Variants in DCLK3 observed in about 807,000 individuals in gnomAD.
DCLK3 encodes serine/threonine-protein kinase DCLK3.
In DCLK3, 30 loss-of-function variants were observed where a neutral mutation model predicts 46.4. The ratio of observed to expected loss-of-function variants is 0.65; its 90% CI spans 0.48 to 0.88. DCLK3 has a LOEUF of 0.88. Ranked by LOEUF, DCLK3 falls within the 40% of genes least tolerant of loss-of-function variation. The probability of loss-of-function intolerance (pLI) is 0.00; values close to 1 mark genes in which losing one functional copy is unlikely to be tolerated. For synonymous variants in DCLK3, 401 were observed against 339.2 expected, an observed-to-expected ratio of 1.18 and a Z score of -2.00; for missense variants, 846 against 907.1, an observed-to-expected ratio of 0.93 and a Z score of 0.87.
chr3:36,752,549 C>T (rs914628672), intron 1 of DCLK3, among the ~76,000 whole-genome samples: 1 of 152,204 alleles, frequency 6.6e-6, no homozygotes, highest in Non-Finnish European at 1.5e-5. Flanking sequence ...TCCTTCTCTC[C>T]TGTTTCATTA....
intron 2 of DCLK3, among the ~76,000 whole-genome samples, chr3:36,730,275 T>C (rs1266050882): frequency 6.8e-6 from 1 of 146,832 alleles, no homozygotes; most frequent in African/African-American, 2.5e-5. Context: ...AAAAAAAAAA[T>C]CAGTGAGGAC....
chr3:36,720,599 G>A lies in DCLK3; in HGVS notation c.2092+928C>T, dbSNP rs906844294. On this transcript the variant is annotated intron_variant, in intron 3 of 4. Coordinates refer to ENST00000636136, the MANE Select transcript of DCLK3 (RefSeq NM_001394672.2). ...GGCTCACTGCAAACTCCACCTCCCC[G>A]GTTCAAGCAATTCTCCTGCCTCAGC... Among the ~76,000 whole-genome samples the A allele has an allele frequency of 4.7e-5, 7 of 147,544 alleles. No individual in the cohort carries two copies. In the South Asian group the frequency reaches 6.4e-4, roughly 14 times the overall value.
intron 1 of DCLK3, among the ~76,000 whole-genome samples, chr3:36,743,303 A>G (rs1052997258): frequency 6.6e-6 from 1 of 151,390 alleles, no homozygotes; most frequent in African/African-American, 2.4e-5. Context: ...CCTTGAAATA[A>G]AAAAATAAAA....
chr3:36,743,910 A>G (rs1304579122), intron 1 of DCLK3, among the ~76,000 whole-genome samples: 4 of 151,936 alleles, frequency 2.6e-5, no homozygotes, highest in East Asian at 1.9e-4. Context: ...CTACTCCCAA[A>G]CCTTCTCTGT....
chr3:36,750,137 G>A (rs1296017462), intron 1 of DCLK3, among the ~76,000 whole-genome samples: 4 of 152,148 alleles, frequency 2.6e-5, no homozygotes, highest in African/African-American at 9.7e-5. Context: ...CTGAAGTGCA[G>A]TGGCGCAATC....
At chr3:36,749,081 A>G (rs1701417377) in intron 1 of DCLK3, among the ~76,000 whole-genome samples, 1 of 151,980 alleles carries the variant, frequency 6.6e-6, no homozygotes, top group Non-Finnish European at 1.5e-5. Flanking sequence ...TTCATCGCTC[A>G]CTCAGTAAAA....
At chr3:36,725,071 T>G (rs1411555604) in intron 2 of DCLK3, among the ~76,000 whole-genome samples, 1 of 151,464 alleles carries the variant, frequency 6.6e-6, no homozygotes, top group Non-Finnish European at 1.5e-5. Context: ...TCCCAGCACT[T>G]TGGGAGGCCA....
At chr3:36,720,504 CTTTTTTTT>C (rs34010996) in intron 3 of DCLK3, among the ~76,000 whole-genome samples, 1 of 129,334 alleles carries the variant, frequency 7.7e-6, no homozygotes, top group African/African-American at 2.9e-5. Context: ...ATCTCCTCAT[CTTTTTTTT>C]TTTTTTTTTG....
In DCLK3 at chr3:36,738,147, C is replaced by G. The variant is rs559787280; in HGVS notation, c.1020G>C (p.Met340Ile). Residue 340 changes from methionine to isoleucine, a missense_variant, in exon 2 of 5, where the codon ATG becomes ATC. Met to Ile is a conservative substitution (Grantham distance 10, BLOSUM62 1). Around this residue, in one of 3 missense-constraint regions of DCLK3, gnomAD observed 553 missense variants for 543.0 expected, o/e 1.02. Coordinates refer to ENST00000636136, the MANE Select transcript of DCLK3 (RefSeq NM_001394672.2). ...TCCTCACCAGCTTCTCCACATCATACATTGGGCCCTTCCCCATATCCAGCT... is the reference window on the plus strand; with the variant it reads ...TCCTCACCAGCTTCTCCACATCATAGATTGGGCCCTTCCCCATATCCAGCT... ...TSELDMGKGPMYDVEKLVRTR... is the reference protein window; with the variant it reads ...TSELDMGKGPIYDVEKLVRTR... The G allele has an allele frequency of 2.9e-5, 46 of 1,613,980 alleles. No individual in the cohort carries two copies. In the Admixed American group the frequency reaches 7.5e-4, roughly 26 times the overall value.
At position 36,744,941 on chromosome 3, in the gene DCLK3, T is replaced by G. The variant is rs568973011; in HGVS notation, c.83-5857A>C. ...AATAAACTCAGTAACTGCACCGGCA[T>G]GGCATGCCGTTATTGCCTCTAATAG... On this transcript the variant is annotated intron_variant, in intron 1 of 4. Coordinates refer to ENST00000636136, the MANE Select transcript of DCLK3 (RefSeq NM_001394672.2). Among the ~76,000 whole-genome samples, 465 of 152,350 alleles carry G rather than the reference T, an allele frequency of 3.1e-3. 2 individuals carry two copies. The Middle Eastern group carries it at 0.037, about 12-fold the overall frequency.
Position 36,737,815 on chromosome 3 carries a change from G to A in DCLK3, c.1352C>T (p.Ala451Val), listed in dbSNP as rs780125616. 2.0e-5 allele frequency: 32 copies of A among 1,613,826 alleles called. No homozygotes were observed. The highest frequency in any genetic ancestry group is 1.6e-4 in the East Asian group (7 of 44,880). ...HGGWLLREHQ[A>V]GFEKLRRTRG... ...GGTCCTGCGGAGCTTCTCAAAGCCCGCCTGGTGCTCTCTCAGGAGCCAGCC... is the reference window on the plus strand; with the variant it reads ...GGTCCTGCGGAGCTTCTCAAAGCCCACCTGGTGCTCTCTCAGGAGCCAGCC... Residue 451 changes from alanine to valine, a missense_variant, in exon 2 of 5, where the codon GCG (alanine) becomes GTG (valine). Physicochemically the swap from Ala to Val is moderately conservative, Grantham distance 64. Around this residue, in one of 3 missense-constraint regions of DCLK3, gnomAD observed 553 missense variants for 543.0 expected, o/e 1.02. Transcript: ENST00000636136. The surrounding 1 kb of genome is among the most constrained non-coding windows in gnomAD (Gnocchi z 4.4).
At chr3:36,755,413 A>T (rs1236284371) in intron 1 of DCLK3, among the ~76,000 whole-genome samples, 1 of 152,192 alleles carries the variant, frequency 6.6e-6, no homozygotes, top group Non-Finnish European at 1.5e-5. Flanking sequence ...TGAGAATTTA[A>T]CGTATAATGA....
chr3:36,756,317 G>C (rs1701484287), intron 1 of DCLK3, among the ~76,000 whole-genome samples: 1 of 152,220 alleles, frequency 6.6e-6, no homozygotes, highest in South Asian at 2.1e-4. Flanking sequence ...GCTGCTCCCA[G>C]GACATTAGCT....
chr3:36,743,789 A>C (rs1437576376), intron 1 of DCLK3, among the ~76,000 whole-genome samples: 1 of 151,984 alleles, frequency 6.6e-6, no homozygotes, highest in Non-Finnish European at 1.5e-5. Context: ...TTGAGTTCCA[A>C]ACCCAAATTC....
At chr3:36,724,063 G>A (rs917561979) in intron 2 of DCLK3, among the ~76,000 whole-genome samples, 2 of 152,212 alleles carry the variant, frequency 1.3e-5, no homozygotes, top group African/African-American at 4.8e-5. Flanking sequence ...AAGACCATGG[G>A]AACCCACCTC....
Position 36,737,564 on chromosome 3 carries a change from T to G in DCLK3, c.1603A>C (p.Asn535His), listed in dbSNP as rs1279326708. The change falls in exon 2 of 5, where the codon AAC becomes CAC. Residue 535 changes from asparagine (N) to histidine (H), a missense_variant. Physicochemically the swap from Asn to His is moderately conservative, Grantham distance 68. This residue lies in a region of DCLK3 where 553 missense variants were observed against 543.0 expected (regional missense o/e 1.02). Coordinates refer to ENST00000636136, the MANE Select transcript of DCLK3 (RefSeq NM_001394672.2). This position sits in a 1 kb window ranked among gnomAD's most constrained non-coding sequence, Gnocchi z 4.4. ...CTGCACTCCTTCACGACAGCAAAGT[T>G]CCCATCCCCAATGACCCGGCCAGTC... ...YETGRVIGDG[N>H]FAVVKECRHR... is the part of the protein sequence containing the mutation. 4 of 1,614,146 alleles carry G rather than the reference T, an allele frequency of 2.5e-6. No individual in the cohort carries two copies. Among genetic ancestry groups the G allele is most frequent in the Non-Finnish European group, 3.4e-6 (4 of 1,180,040 alleles).
At chr3:36,750,297 G>A (rs191319510) in intron 1 of DCLK3, among the ~76,000 whole-genome samples, 1 of 152,132 alleles carries the variant, frequency 6.6e-6, no homozygotes, top group East Asian at 1.9e-4. Flanking sequence ...GGCCAGCCTG[G>A]TCTCAAACTC....
intron 1 of DCLK3, among the ~76,000 whole-genome samples, chr3:36,746,350 A>C (rs1276425798): frequency 1.3e-5 from 2 of 152,234 alleles, no homozygotes; most frequent in African/African-American, 4.8e-5. Context: ...TGACTGCTCC[A>C]TCTCATGATA....
intron 1 of DCLK3, among the ~76,000 whole-genome samples, chr3:36,740,522 C>G (rs965349401): frequency 2.2e-4 from 34 of 152,246 alleles, no homozygotes; most frequent in African/African-American, 7.9e-4. Context: ...TTTCCCTCTT[C>G]TTATTTAAAA....
Sources: allele counts gnomAD v4.1 joint callset (sites outside exome capture counted in the v4.1 genomes callset), GRCh38; gene constraint gnomAD v4.1.1; regional missense constraint gnomAD v4.1.1; non-coding constraint Gnocchi (gnomAD v3.1); transcripts MANE v1.5; gene names NCBI Gene and HGNC (gene_info 2026-07-23, HGNC 2026-07-21).